COPA: variants seen among roughly 807,000 people sequenced by gnomAD.
COPA encodes the protein coat protein complex I subunit alpha.
In COPA, 10 loss-of-function variants were observed where a neutral mutation model predicts 158.7. The ratio of observed to expected loss-of-function variants is 0.06; its 90% CI spans 0.04 to 0.11. The LOEUF (loss-of-function observed/expected upper bound fraction) is 0.11. COPA is among the 10% of genes least tolerant of loss of function. The probability of loss-of-function intolerance (pLI) is 1.00; values close to 1 mark genes in which losing one functional copy is unlikely to be tolerated. For missense variants in COPA, 1,065 were observed against 1,536.7 expected, an observed-to-expected ratio of 0.69 and a Z score of 5.13; for synonymous variants, 462 against 542.8, an observed-to-expected ratio of 0.85 and a Z score of 2.07.
In COPA at chr1:160,305,958, G is replaced by A; in HGVS notation, c.1443-185C>T. On this transcript the variant is annotated intron_variant, in intron 15 of 32. Coordinates refer to ENST00000241704, the MANE Select transcript of COPA (RefSeq NM_004371.4). ...TGACTTAAACATTTTGGCTCACATT[G>A]TGCACTTACCCCTTCCTCAACCCCC... The A allele has an allele frequency of 3.2e-6, 2 of 621,748 alleles. 1 individual carries two copies. The highest frequency in any genetic ancestry group is 3.9e-5 in the South Asian group (2 of 50,930). The allele number at this position is 621,748 out of a possible 1,614,324, so 38.5% of individuals were successfully genotyped here. A position where few individuals can be genotyped will look rare whatever the true frequency, so the allele number is the denominator to read the frequency against.
chr1:160,310,349 A>T (rs1228266915), intron 11 of COPA, 91 bp from the exon 12 acceptor site: 1 of 674,406 alleles, frequency 1.5e-6, no homozygotes, highest in Non-Finnish European at 2.6e-6. Flanking sequence ...CTACTTATCC[A>T]ATCTTTACAC....
chr1:160,310,025 C>T (rs1204686234), intron 12 of COPA, among the ~76,000 whole-genome samples, 167 bp downstream of exon 12: 3 of 152,076 alleles, frequency 2.0e-5, no homozygotes, highest in Admixed American at 6.6e-5. Flanking sequence ...AATATGTTTA[C>T]GACAACTGAA....
chr1:160,328,286 T>G (rs1647350170), intron 6 of COPA, among the ~76,000 whole-genome samples: 1 of 152,122 alleles, frequency 6.6e-6, no homozygotes, highest in South Asian at 2.1e-4. Context: ...TCACCTCCAA[T>G]AAGCTTCAAC....
chr1:160,309,415 A>G (rs1178887434), intron 12 of COPA, among the ~76,000 whole-genome samples: 1 of 152,134 alleles, frequency 6.6e-6, no homozygotes, highest in Non-Finnish European at 1.5e-5. Context: ...AGATGCAGAT[A>G]TTATCTGAAT....
At chr1:160,311,774 T>C in intron 11 of COPA, 94 bp downstream of exon 11, 2 of 1,182,220 alleles carry the variant, frequency 1.7e-6, no homozygotes, top group South Asian at 3.0e-5. Flanking sequence ...ATAAAATAAA[T>C]AAATGAAAGA....
At position 160,291,933 on chromosome 1, in the gene COPA, T is replaced by C; in HGVS notation, c.3148-4A>G. 1 of 1,614,074 alleles carries C rather than the reference T, an allele frequency of 6.2e-7. No homozygotes were observed. Among genetic ancestry groups the C allele is most frequent in the South Asian group, 1.1e-5 (1 of 91,072 alleles). On this transcript the variant is annotated splice_polypyrimidine_tract_variant and splice_region_variant and intron_variant, in intron 29 of 32. Transcript: ENST00000241704. ...AAATGGTGATGAGCTGCTGGGCCTG[T>C]AGAGGGGGCAGAAGGTCAGGATACA... is the stretch of plus-strand genomic sequence containing the variant.
rs200318072 is a variant in COPA, at chr1:160,293,168, G to T, written c.2821C>A (p.Arg941=). The change falls in exon 27 of 33, where the codon CGG becomes AGG. Residue 941 remains arginine (R), a splice_region_variant and synonymous_variant. Coordinates refer to ENST00000241704, the MANE Select transcript of COPA (RefSeq NM_004371.4). ...GAGGAAAAGCCAAGGTTACTTACCCGCATGGCTGTTTCGAAAGAGCCTGCC... is the reference window on the plus strand; with the variant it reads ...GAGGAAAAGCCAAGGTTACTTACCCTCATGGCTGTTTCGAAAGAGCCTGCC... ...ILAGSFETAM[R]LLHDQVGVIQ... The T allele has an allele frequency of 6.2e-7, 1 of 1,614,086 alleles. No homozygotes were observed. Among genetic ancestry groups the T allele is most frequent in the Non-Finnish European group, 8.5e-7 (1 of 1,179,972 alleles).
At chr1:160,312,971 CCTT>C (rs1169427546) in intron 10 of COPA, 111 bp downstream of exon 10, 41 of 903,732 alleles carry the variant, frequency 4.5e-5, no homozygotes, top group South Asian at 7.0e-5. Flanking sequence ...CTCTGAGAGT[CCTT>C]CTTCTTCTTG....
chr1:160,312,064 A>G (rs766601158), intron 10 of COPA, 46 bp from the exon 11 acceptor site: 25 of 1,594,378 alleles, frequency 1.6e-5, no homozygotes, highest in Admixed American at 3.4e-5. Flanking sequence ...TGTAGGCAAG[A>G]AAAAAACCTG....
intron 8 of COPA, among the ~76,000 whole-genome samples, chr1:160,317,157 T>C (rs1030354905): frequency 3.9e-5 from 6 of 152,182 alleles, no homozygotes; most frequent in African/African-American, 1.4e-4. Flanking sequence ...TTTCCAAATA[T>C]GAAGGATAGT....
At chr1:160,342,890 T>C (rs1648155961) in intron 1 of COPA, among the ~76,000 whole-genome samples, 1 of 151,046 alleles carries the variant, frequency 6.6e-6, no homozygotes, top group African/African-American at 2.4e-5. Context: ...AGGGAGGGGG[T>C]CTAAGGAATC....
chr1:160,332,415 G>A (rs375049146), intron 6 of COPA, 33 bp downstream of exon 6: 8 of 1,486,844 alleles, frequency 5.4e-6, no homozygotes, highest in Admixed American at 1.9e-5. Context: ...CACCAGAGAT[G>A]ACCAGGTTGT....
At chr1:160,296,355 G>C (rs1011137964) in intron 21 of COPA, among the ~76,000 whole-genome samples, 2 of 152,232 alleles carry the variant, frequency 1.3e-5, no homozygotes, top group African/African-American at 4.8e-5. Flanking sequence ...TTACTTCCTA[G>C]ATCTGGTTAC....
At chr1:160,298,698 G>C in intron 19 of COPA, 147 bp downstream of exon 19, 1 of 981,240 alleles carries the variant, frequency 1.0e-6, no homozygotes, top group Non-Finnish European at 1.5e-6. Flanking sequence ...AATAGCAACA[G>C]GAAGATGGCT....
At chr1:160,292,315 G>T in intron 28 of COPA, 117 bp from the exon 29 acceptor site, 1 of 1,547,096 alleles carries the variant, frequency 6.5e-7, no homozygotes. Context: ...AGTAGCTGGG[G>T]AAGAGGATGA....
rs2101820101 is a variant in COPA, at chr1:160,291,636, G to C, written c.3259-140C>G. ...AAGCTGAGAGGTCTTCTACCTCCTAGGTATGGAGGACTGGTGAGATGAGGA... is the reference window on the plus strand; with the variant it reads ...AAGCTGAGAGGTCTTCTACCTCCTACGTATGGAGGACTGGTGAGATGAGGA... On this transcript the variant is annotated intron_variant, in intron 30 of 32. Transcript: ENST00000241704. 2.6e-6 allele frequency: 3 copies of C among 1,153,942 alleles called. No individual in the cohort carries two copies. The East Asian group carries it at 7.1e-5, about 27-fold the overall frequency. 71.5% of individuals were successfully genotyped at this position (1,153,942 alleles called of 1,614,324 possible).
chr1:160,324,969 C>T (rs1488092910), intron 7 of COPA, among the ~76,000 whole-genome samples: 2 of 152,002 alleles, frequency 1.3e-5, no homozygotes, highest in Non-Finnish European at 2.9e-5. Flanking sequence ...CGAAAAGCAC[C>T]TGGGTTTTGG....
Position 160,291,827 on chromosome 1 carries a change from T to C in COPA, c.3250A>G (p.Ile1084Val), listed in dbSNP as rs1251975274. 5 of 1,613,992 alleles carry C rather than the reference T, an allele frequency of 3.1e-6. No individual in the cohort carries two copies. The Admixed American group carries it at 8.3e-5, about 27-fold the overall frequency. ...PKETLEQQKR[I>V]CEMAAYFTHS... ...GGTCCTATAGATCTTACCTCACAGA[T>C]GCGCTTCTGCTGTTCTAGAGTCTCT... Residue 1084 changes from isoleucine to valine, a missense_variant, in exon 30 of 33, where the codon ATC (isoleucine) becomes GTC (valine). By Grantham distance (29) the Ile-to-Val change is conservative (BLOSUM62 3). This residue lies in a region of COPA where 980 missense variants were observed against 1,357.8 expected (regional missense o/e 0.72). Coordinates refer to ENST00000241704, the MANE Select transcript of COPA (RefSeq NM_004371.4).
At chr1:160,315,962 A>G (rs923444616) in intron 8 of COPA, among the ~76,000 whole-genome samples, 2 of 152,270 alleles carry the variant, frequency 1.3e-5, no homozygotes, top group African/African-American at 4.8e-5. Flanking sequence ...ATCTTGAAAC[A>G]GAAACACATT....
Sources: gnomAD v4.1 joint callset for allele counts (sites outside exome capture counted in the v4.1 genomes callset) on GRCh38, gnomAD v4.1.1 for gene constraint, gnomAD v4.1.1 regional missense constraint, MANE v1.5 for transcripts, NCBI Gene and HGNC (gene_info 2026-07-23, HGNC 2026-07-21) for gene names.